The following FITM1 variants were observed in gnomAD, a reference collection of about 807,000 sequenced individuals.
FITM1 encodes the protein fat storage-inducing transmembrane protein 1.
In FITM1, 11 loss-of-function variants were observed where a neutral mutation model predicts 22.2. That is an observed-to-expected ratio of 0.50 (90% CI 0.31 to 0.82). The LOEUF is 0.82. Ranked by LOEUF, FITM1 falls within the 40% of genes least tolerant of loss-of-function variation. FITM1 has a pLI of 0.04. For synonymous variants in FITM1, 164 were observed against 174.0 expected (o/e 0.94, Z 0.45); for missense variants, 394 against 386.4 (o/e 1.02, Z -0.17).
Position 24,131,795 on chromosome 14 carries a change from A to G in FITM1, c.232A>G (p.Thr78Ala). The change falls in exon 1 of 2, where the codon ACT becomes GCT. Residue 78 changes from threonine to alanine, a missense_variant. Transcript: ENST00000267426. Reference protein sequence around the residue: ...PLLQFHVNPRTIFASHGNFFN... With the variant: ...PLLQFHVNPRAIFASHGNFFN... ...TCTGCAGTTCCATGTCAACCCTCGG[A>G]CTATCTTCGCCAGCCACGGCAACTT... 1 of 1,605,774 alleles carries G rather than the reference A, an allele frequency of 6.2e-7. No individual in the cohort carries two copies. Among genetic ancestry groups the G allele is most frequent in the Non-Finnish European group, 8.5e-7 (1 of 1,175,066 alleles).
rs752521570 is a variant in FITM1, at chr14:24,132,811, C to T, written c.867C>T (p.Arg289=). The T allele has an allele frequency of 3.7e-6, 6 of 1,608,864 alleles. No homozygotes were observed. The highest frequency in any genetic ancestry group is 1.7e-5 in the Admixed American group (1 of 58,484). The change falls in exon 2 of 2, where the codon CGC becomes CGT. Residue 289 remains arginine (R), a synonymous_variant. Coordinates refer to ENST00000267426, the MANE Select transcript of FITM1 (RefSeq NM_203402.3). ...HGLFPRPHSS[R]KHN The stretch of plus-strand genomic sequence containing the variant: ...TCTTCCCCCGTCCCCACTCCAGCCG[C>T]AAGCATAACTGAAAGAAATAAAAAC...
At position 24,132,814 on chromosome 14, in the gene FITM1, G is replaced by A. The variant is rs1487942108; in HGVS notation, c.870G>A (p.Lys290=). 6.2e-7 allele frequency: 1 copy of A among 1,607,788 alleles called. No individual in the cohort carries two copies. Among genetic ancestry groups the A allele is most frequent in the East Asian group, 2.2e-5 (1 of 44,842 alleles). ...TCCCCCGTCCCCACTCCAGCCGCAA[G>A]CATAACTGAAAGAAATAAAAACCAT... ...GLFPRPHSSR[K]HN Residue 290 remains lysine (K), a synonymous_variant, in exon 2 of 2, where the codon AAG becomes AAA. Coordinates refer to ENST00000267426, the MANE Select transcript of FITM1 (RefSeq NM_203402.3).
chr14:24,131,594 C>T lies in FITM1; in HGVS notation c.31C>T (p.Leu11=), dbSNP rs1448751187. 2 of 1,600,570 alleles carry T rather than the reference C, an allele frequency of 1.2e-6. No homozygotes were observed. Among genetic ancestry groups the T allele is most frequent in the African/African-American group, 1.3e-5 (1 of 74,742 alleles). MERGPVVGAG[L]GAGARIQALL... is the part of the protein sequence containing the mutation. ...GCGGGGGCCGGTGGTGGGGGCAGGA[C>T]TGGGGGCCGGGGCCCGAATCCAGGC... Residue 11 remains leucine (L), a synonymous_variant, in exon 1 of 2, where the codon CTG becomes TTG. Transcript: ENST00000267426.
At position 24,131,840 on chromosome 14, in the gene FITM1, T is replaced by C; in HGVS notation, c.266+11T>C. 1 of 1,565,876 alleles carries C rather than the reference T, an allele frequency of 6.4e-7. No homozygotes were observed. The highest frequency in any genetic ancestry group is 8.7e-7 in the Non-Finnish European group (1 of 1,154,028). On this transcript the variant is annotated intron_variant, in intron 1 of 1. Transcript: ENST00000267426. ...CAACTTCTTCAACATGTGAGTCCAC[T>C]CAAGGCTGTGGGAGCCGGGTCCCTG...
chr14:24,132,290 C>T lies in FITM1; in HGVS notation c.346C>T (p.Arg116Trp), dbSNP rs138281022. 8.1e-6 allele frequency: 13 copies of T among 1,613,794 alleles called. No individual in the cohort carries two copies. Among genetic ancestry groups the T allele is most frequent in the East Asian group, 2.2e-5 (1 of 44,884 alleles). ...FVLLVVFLAT[R>W]RVAVTARHLS... is the part of the protein sequence containing the mutation. ...GTTGCTGGTGGTGTTCCTGGCTACA[C>T]GGCGCGTGGCAGTAACTGCCAGACA... Residue 116 changes from arginine (R) to tryptophan (W), a missense_variant, in exon 2 of 2, where the codon CGG becomes TGG. Coordinates refer to ENST00000267426, the MANE Select transcript of FITM1 (RefSeq NM_203402.3).
rs766618817 is a variant in FITM1 at position 24,132,446 on chromosome 14, C to T, written c.502C>T (p.Arg168Cys). ...TCTGCTGCTCCACGAGCTGCCTGAC[C>T]GCCGCAGCTGCCTGGCAGCCGGCCA... ...QGLLLHELPD[R>C]RSCLAAGHQW... is the part of the protein sequence containing the mutation. The change falls in exon 2 of 2, where the codon CGC becomes TGC. Residue 168 changes from arginine (R) to cysteine (C), a missense_variant. Transcript: ENST00000267426. 1.1e-5 allele frequency: 17 copies of T among 1,606,274 alleles called. No homozygotes were observed. Among genetic ancestry groups the T allele is most frequent in the South Asian group, 6.6e-5 (6 of 91,080 alleles).
rs539982465 is a variant in FITM1, at chr14:24,130,957, C to G, written c.-607C>G. On this transcript the variant is annotated 5_prime_UTR_variant, in exon 1 of 2. Transcript: ENST00000267426. ...AGACAGGAACTAGGGCAGAGCCAAG[C>G]TGCTGGGGTCACAGGGCACTGAAGT... 1.5e-3 allele frequency among the ~76,000 whole-genome samples: 224 copies of G among 152,314 alleles called. 1 individual carries two copies. Among genetic ancestry groups the G allele is most frequent in the African/African-American group, 5.1e-3 (212 of 41,566 alleles).
At position 24,131,672 on chromosome 14, in the gene FITM1, T is replaced by A. The variant is rs142494770; in HGVS notation, c.109T>A (p.Tyr37Asn). ...VLLWVASALLYFGSEQAARLL... is the reference protein window; with the variant it reads ...VLLWVASALLNFGSEQAARLL... Reference sequence around the variant, plus strand: ...GCTCTGGGTGGCCTCTGCCTTGCTGTACTTTGGAAGCGAACAGGCCGCCCG... The same window carrying A: ...GCTCTGGGTGGCCTCTGCCTTGCTGAACTTTGGAAGCGAACAGGCCGCCCG... The change falls in exon 1 of 2, where the codon TAC (tyrosine) becomes AAC (asparagine). Residue 37 changes from tyrosine to asparagine, a missense_variant. Physicochemically the swap from Tyr to Asn is moderately radical, Grantham distance 143. Coordinates refer to ENST00000267426, the MANE Select transcript of FITM1 (RefSeq NM_203402.3). The A allele has an allele frequency of 6.2e-7, 1 of 1,613,968 alleles. No homozygotes were observed. Among genetic ancestry groups the A allele is most frequent in the Non-Finnish European group, 8.5e-7 (1 of 1,180,054 alleles).
In FITM1 at chr14:24,132,407, C is replaced by T; in HGVS notation, c.463C>T (p.Pro155Ser). ...GGACCTGACTGGCTCCTGCTTCGAG[C>T]CACTGCCCCAGGGTCTGCTGCTCCA... ...IEDLTGSCFE[P>S]LPQGLLLHEL... is the part of the protein sequence containing the mutation. Residue 155 changes from proline to serine, a missense_variant, in exon 2 of 2, where the codon CCA becomes TCA. Coordinates refer to ENST00000267426, the MANE Select transcript of FITM1 (RefSeq NM_203402.3). 2 of 1,610,938 alleles carry T rather than the reference C, an allele frequency of 1.2e-6. No homozygotes were observed. Among genetic ancestry groups the T allele is most frequent in the Non-Finnish European group, 1.7e-6 (2 of 1,179,968 alleles).
In FITM1 at chr14:24,131,760, T is replaced by C. The variant is rs1405356477; in HGVS notation, c.197T>C (p.Phe66Ser). 1.2e-6 allele frequency: 2 copies of C among 1,613,792 alleles called. No homozygotes were observed. The highest frequency in any genetic ancestry group is 1.1e-5 in the South Asian group (1 of 91,006). The stretch of plus-strand genomic sequence containing the variant: ...GCCTGGCTGGCAGCAGTGGTCATCT[T>C]TGGGCCGCTTCTGCAGTTCCATGTC... ...YHAWLAAVVIFGPLLQFHVNP... is the reference protein window; with the variant it reads ...YHAWLAAVVISGPLLQFHVNP... Residue 66 changes from phenylalanine (F) to serine (S), a missense_variant, in exon 1 of 2, where the codon TTT becomes TCT. By Grantham distance (155) the Phe-to-Ser change is radical (BLOSUM62 -2). Transcript: ENST00000267426.
At position 24,132,479 on chromosome 14, in the gene FITM1, C is replaced by A. The variant is rs746582650; in HGVS notation, c.535C>A (p.Arg179=). The change falls in exon 2 of 2, where the codon CGA becomes AGA. Residue 179 remains arginine (R), a synonymous_variant. Transcript: ENST00000267426. Reference sequence around the variant, plus strand: ...CTGCCTGGCAGCCGGCCACCAGTGGCGAGGCTACACCGTCTCCTCCCACAC... The same window carrying A: ...CTGCCTGGCAGCCGGCCACCAGTGGAGAGGCTACACCGTCTCCTCCCACAC... ...RSCLAAGHQW[R]GYTVSSHTFL... 9.4e-6 allele frequency: 15 copies of A among 1,604,252 alleles called. No individual in the cohort carries two copies. Among genetic ancestry groups the A allele is most frequent in the Non-Finnish European group, 1.3e-5 (15 of 1,179,958 alleles).
intron 1 of FITM1, 55 bp downstream of exon 1, chr14:24,131,884 C>A: frequency 6.6e-7 from 1 of 1,519,440 alleles, no homozygotes; most frequent in South Asian, 1.3e-5. Context: ...GATCCTAGCT[C>A]CCTTCTCCAG....
At position 24,131,421 on chromosome 14, in the gene FITM1, C is replaced by G; in HGVS notation, c.-143C>G. On this transcript the variant is annotated 5_prime_UTR_variant, in exon 1 of 2. Transcript: ENST00000267426. ...CCTGGCCCCTTACTGCCCCCCGCCC[C>G]TCTCCCCCACCTGCCAGCTGCCAAC... 1 of 859,036 alleles carries G rather than the reference C, an allele frequency of 1.2e-6. No individual in the cohort carries two copies. The highest frequency in any genetic ancestry group is 1.9e-6 in the Non-Finnish European group (1 of 529,166). The allele number at this position is 859,036 out of a possible 1,614,324, so 53.2% of individuals were successfully genotyped here.
At position 24,132,630 on chromosome 14, in the gene FITM1, T is replaced by C. The variant is rs1372553370; in HGVS notation, c.686T>C (p.Leu229Pro). The change falls in exon 2 of 2, where the codon CTG (leucine) becomes CCG (proline). Residue 229 changes from leucine (L) to proline (P), a missense_variant. Transcript: ENST00000267426. ...RLVFLLNVLL[L>P]GLWNFLLLCT... The stretch of plus-strand genomic sequence containing the variant: ...GTCTTCCTGCTGAACGTGCTGCTGC[T>C]GGGCCTCTGGAACTTCTTGCTGCTC... 1.2e-6 allele frequency: 2 copies of C among 1,613,328 alleles called. No homozygotes were observed. Among genetic ancestry groups the C allele is most frequent in the South Asian group, 2.2e-5 (2 of 91,088 alleles).
At position 24,132,620 on chromosome 14, in the gene FITM1, G is replaced by T; in HGVS notation, c.676G>T (p.Val226Leu). Reference protein sequence around the residue: ...APLRLVFLLNVLLLGLWNFLL... With the variant: ...APLRLVFLLNLLLLGLWNFLL... ...ACTGCGCCTTGTCTTCCTGCTGAACGTGCTGCTGCTGGGCCTCTGGAACTT... is the reference window on the plus strand; with the variant it reads ...ACTGCGCCTTGTCTTCCTGCTGAACTTGCTGCTGCTGGGCCTCTGGAACTT... The change falls in exon 2 of 2, where the codon GTG becomes TTG. Residue 226 changes from valine to leucine, a missense_variant. Transcript: ENST00000267426. 1 of 1,612,846 alleles carries T rather than the reference G, an allele frequency of 6.2e-7. No individual in the cohort carries two copies. The highest frequency in any genetic ancestry group is 8.5e-7 in the Non-Finnish European group (1 of 1,180,038).
Position 24,131,709 on chromosome 14 carries a change from GCC to G in FITM1, c.149_150del (p.Pro50LeufsTer117). On this transcript the variant is annotated frameshift_variant, in exon 1 of 2. Coordinates refer to ENST00000267426, the MANE Select transcript of FITM1 (RefSeq NM_203402.3). LOFTEE classifies it high-confidence loss of function. ...GAACAGGCCGCCCGCCTTCTGGGCAGCCCCTGCTTACGGCGCCTCTACCATGC... is the reference window on the plus strand; with the variant it reads ...GAACAGGCCGCCCGCCTTCTGGGCAGCCTGCTTACGGCGCCTCTACCATGC... 6.2e-7 allele frequency: 1 copy of G among 1,614,208 alleles called. No individual in the cohort carries two copies. The highest frequency in any genetic ancestry group is 8.5e-7 in the Non-Finnish European group (1 of 1,180,040).
At position 24,132,392 on chromosome 14, in the gene FITM1, G is replaced by A; in HGVS notation, c.448G>A (p.Gly150Ser). Residue 150 changes from glycine (G) to serine (S), a missense_variant, in exon 2 of 2, where the codon GGC (glycine) becomes AGC (serine). Coordinates refer to ENST00000267426, the MANE Select transcript of FITM1 (RefSeq NM_203402.3). ...CTTCCTGCTCATCGAGGACCTGACT[G>A]GCTCCTGCTTCGAGCCACTGCCCCA... ...RAFLLIEDLT[G>S]SCFEPLPQGL... The A allele has an allele frequency of 6.2e-7, 1 of 1,612,338 alleles. No individual in the cohort carries two copies. Among genetic ancestry groups the A allele is most frequent in the Non-Finnish European group, 8.5e-7 (1 of 1,179,972 alleles).
rs1250883406 is a variant in FITM1, at chr14:24,130,686, G to T, written c.-878G>T. Among the ~76,000 whole-genome samples, 4 of 152,238 alleles carry T rather than the reference G, an allele frequency of 2.6e-5. No homozygotes were observed. Among genetic ancestry groups the T allele is most frequent in the African/African-American group, 9.6e-5 (4 of 41,470 alleles). ...TGACTGCCCTGCTGTCGCCGCCTCA[G>T]CAGTCAGACTGGGAGGGCAGGCTTA... On this transcript the variant is annotated 5_prime_UTR_variant, in exon 1 of 2. Coordinates refer to ENST00000267426, the MANE Select transcript of FITM1 (RefSeq NM_203402.3).
In FITM1 at chr14:24,131,495, AG is replaced by A. The variant is rs760463204; in HGVS notation, c.-62del. 6.0e-5 allele frequency: 86 copies of A among 1,439,086 alleles called. No individual in the cohort carries two copies. Among genetic ancestry groups the A allele is most frequent in the Middle Eastern group, 1.7e-4 (1 of 5,838 alleles). 89.1% of individuals were successfully genotyped at this position (1,439,086 alleles called of 1,614,324 possible). On this transcript the variant is annotated 5_prime_UTR_variant, in exon 1 of 2. The change creates a premature stop within an existing upstream ORF in the 5' untranslated region. Coordinates refer to ENST00000267426, the MANE Select transcript of FITM1 (RefSeq NM_203402.3). ...CACCTGTCACTGCCTATCCTTGTCC[AG>A]GGGGGGCCCCATCAGCCCCTCCTCA...
Sources: gnomAD v4.1 joint callset for allele counts (sites outside exome capture counted in the v4.1 genomes callset) on GRCh38, gnomAD v4.1.1 for gene constraint, MANE v1.5 for transcripts, NCBI Gene and HGNC (gene_info 2026-07-23, HGNC 2026-07-21) for gene names.